CNTN3: variants seen among roughly 807,000 people sequenced by gnomAD.
CNTN3 encodes contactin-3.
CNTN3 carries 60 observed loss-of-function variants against 119.1 expected under a neutral mutation model. That is an observed-to-expected ratio of 0.50 (90% CI 0.41 to 0.62). CNTN3 has a LOEUF of 0.62. Ranked by LOEUF, CNTN3 falls within the 20% of genes least tolerant of loss-of-function variation. The probability of loss-of-function intolerance (pLI) is 0.00; values close to 1 mark genes in which losing one functional copy is unlikely to be tolerated. For missense variants in CNTN3, 1,101 were observed against 1,242.4 expected (o/e 0.89, Z 1.71); for synonymous variants, 450 against 438.7 (o/e 1.03, Z -0.32).
chr3:74,597,803 T>C (rs1203932525), intron 1 of CNTN3, among the ~76,000 whole-genome samples: 2 of 152,028 alleles, frequency 1.3e-5, no homozygotes, highest in African/African-American at 2.4e-5. Context: ...ACTCTAGCAA[T>C]ACTAAAAATA....
At chr3:74,580,085 G>A (rs911133120) in intron 1 of CNTN3, among the ~76,000 whole-genome samples, 8 of 152,104 alleles carry the variant, frequency 5.3e-5, no homozygotes, top group African/African-American at 1.4e-4. Flanking sequence ...AACATTAGAT[G>A]ACAATAAGAG....
intron 4 of CNTN3, among the ~76,000 whole-genome samples, chr3:74,447,649 G>A (rs1702072452): frequency 6.6e-6 from 1 of 152,122 alleles, no homozygotes; most frequent in Admixed American, 6.6e-5. Flanking sequence ...TTTCAGTGAT[G>A]GCATGATGAT....
intron 20 of CNTN3, among the ~76,000 whole-genome samples, chr3:74,270,898 A>G (rs1020268988): frequency 5.3e-5 from 8 of 152,220 alleles, no homozygotes; most frequent in Non-Finnish European, 1.0e-4. Context: ...AACTAATCCT[A>G]GTAAAATGAT....
chr3:74,579,791 T>C (rs551115024), intron 1 of CNTN3, among the ~76,000 whole-genome samples: 19 of 152,286 alleles, frequency 1.2e-4, no homozygotes, highest in African/African-American at 4.6e-4. Context: ...TAGTTTAAAC[T>C]CTTAATAGAA....
chr3:74,541,557 A>G (rs546118995), intron 1 of CNTN3, among the ~76,000 whole-genome samples: 1 of 152,330 alleles, frequency 6.6e-6, no homozygotes, highest in East Asian at 1.9e-4. Flanking sequence ...TTACATGAAT[A>G]CATAGTAAAA....
chr3:74,601,426 G>T (rs1704909257), intron 1 of CNTN3, among the ~76,000 whole-genome samples: 1 of 152,080 alleles, frequency 6.6e-6, no homozygotes, highest in Admixed American at 6.6e-5. Flanking sequence ...GTACACTCTT[G>T]AAGAATTTCA....
rs527777395 is a variant in CNTN3 at position 74,580,310 on chromosome 3, T to C, written c.-81+34081A>G. Among the ~76,000 whole-genome samples, 3 of 152,208 alleles carry C rather than the reference T, an allele frequency of 2.0e-5. No homozygotes were observed. The South Asian group carries it at 6.2e-4, about 32-fold the overall frequency. The stretch of plus-strand genomic sequence containing the variant: ...AGACCTTAGTCGTGAATTCCAACAT[T>C]AAGAAAATATCAATCTTACAAAATC... On this transcript the variant is annotated intron_variant, in intron 1 of 22. Coordinates refer to ENST00000263665, the MANE Select transcript of CNTN3 (RefSeq NM_020872.3).
At chr3:74,557,558 T>A (rs1243479614) in intron 1 of CNTN3, among the ~76,000 whole-genome samples, 1 of 152,002 alleles carries the variant, frequency 6.6e-6, no homozygotes, top group Non-Finnish European at 1.5e-5. Flanking sequence ...GCCTCAGCAA[T>A]CCATATGGGA....
intron 22 of CNTN3, among the ~76,000 whole-genome samples, chr3:74,265,871 G>C (rs924375778): frequency 2.0e-5 from 3 of 152,088 alleles, no homozygotes; most frequent in Non-Finnish European, 2.9e-5. Flanking sequence ...TAAGAGTGAG[G>C]ATAAAATTTA....
chr3:74,276,499 T>G (rs182255113), intron 20 of CNTN3, among the ~76,000 whole-genome samples: 1 of 152,062 alleles, frequency 6.6e-6, no homozygotes, highest in Non-Finnish European at 1.5e-5. Flanking sequence ...TTTAAAACCA[T>G]GCAAATACAT....
At chr3:74,543,363 TC>T (rs1023179606) in intron 1 of CNTN3, among the ~76,000 whole-genome samples, 1 of 152,150 alleles carries the variant, frequency 6.6e-6, no homozygotes, top group African/African-American at 2.4e-5. Context: ...AGTGACCTGG[TC>T]AAGATAGGGT....
intron 1 of CNTN3, among the ~76,000 whole-genome samples, chr3:74,541,971 T>C (rs972298433): frequency 1.3e-5 from 2 of 152,120 alleles, no homozygotes; most frequent in African/African-American, 4.8e-5. Context: ...CAGTGGCTCA[T>C]ACTTGTAACA....
intron 9 of CNTN3, among the ~76,000 whole-genome samples, chr3:74,364,819 A>G (rs966393146): frequency 6.6e-5 from 10 of 152,198 alleles, no homozygotes; most frequent in South Asian, 2.1e-4. Flanking sequence ...ATCCAAAAGT[A>G]TATCATAAAA....
intron 13 of CNTN3, among the ~76,000 whole-genome samples, chr3:74,315,616 C>T (rs1702811883): frequency 6.6e-6 from 1 of 152,014 alleles, no homozygotes; most frequent in Admixed American, 6.6e-5. Flanking sequence ...TAGAATTAAA[C>T]TAAAAATCAA....
At chr3:74,434,288 T>C (rs1249582943) in intron 4 of CNTN3, among the ~76,000 whole-genome samples, 1 of 152,250 alleles carries the variant, frequency 6.6e-6, no homozygotes. Flanking sequence ...ATCCCAGATC[T>C]GTAAGCCTTT....
At chr3:74,600,828 A>G (rs1704898232) in intron 1 of CNTN3, among the ~76,000 whole-genome samples, 1 of 152,038 alleles carries the variant, frequency 6.6e-6, no homozygotes, top group African/African-American at 2.4e-5. Context: ...TTTTTCAACC[A>G]GAAATCCTGT....
Position 74,503,530 on chromosome 3 carries a change from C to T in CNTN3, c.56-3745G>A, listed in dbSNP as rs1277353188. Among the ~76,000 whole-genome samples the T allele has an allele frequency of 2.0e-5, 3 of 152,134 alleles. No homozygotes were observed. The East Asian group carries it at 5.8e-4, about 29-fold the overall frequency. ...GATGAGAGATGCTGGGTTTCATGTT[C>T]TAGTCTCTTGCCAGCAATATAAACT... On this transcript the variant is annotated intron_variant, in intron 2 of 22. Transcript: ENST00000263665.
intron 17 of CNTN3, among the ~76,000 whole-genome samples, chr3:74,298,744 A>C (rs952693152): frequency 6.6e-6 from 1 of 152,024 alleles, no homozygotes; most frequent in African/African-American, 2.4e-5. Context: ...TAAAAATACA[A>C]AAATTAGCCG....
chr3:74,505,616 A>G (rs1286540753), intron 2 of CNTN3, among the ~76,000 whole-genome samples: 2 of 152,066 alleles, frequency 1.3e-5, no homozygotes, highest in African/African-American at 4.8e-5. Context: ...AATTCCAAAC[A>G]TCATGTGTTG....
Sources: gnomAD v4.1 joint callset for allele counts (sites outside exome capture counted in the v4.1 genomes callset) on GRCh38, gnomAD v4.1.1 for gene constraint, MANE v1.5 for transcripts, NCBI Gene and HGNC (gene_info 2026-07-23, HGNC 2026-07-21) for gene names.